TACC1: variants seen among roughly 807,000 people sequenced by gnomAD.
TACC1 encodes transforming acidic coiled-coil-containing protein 1.
In TACC1, 48 loss-of-function variants were observed where a neutral mutation model predicts 84.4. That is an observed-to-expected ratio of 0.57 (90% CI 0.45 to 0.72). The LOEUF (loss-of-function observed/expected upper bound fraction) is 0.72, where lower values mean the gene tolerates loss of function less well. Among genes scored for constraint, TACC1 ranks in the 30% least tolerant of loss-of-function variants. The pLI is 0.00. For synonymous variants in TACC1, 372 were observed against 376.3 expected, an observed-to-expected ratio of 0.99 and a Z score of 0.13; for missense variants, 920 against 973.0, an observed-to-expected ratio of 0.95 and a Z score of 0.72.
chr8:38,767,045 G>A (rs768679202), intron 3 of TACC1, among the ~76,000 whole-genome samples: 2 of 144,116 alleles, frequency 1.4e-5, no homozygotes, highest in Non-Finnish European at 3.1e-5. Context: ...CATTTACACA[G>A]AGCCGACAGA....
At chr8:38,742,467 G>T in intron 2 of TACC1, 1 of 1,521,498 alleles carries the variant, frequency 6.6e-7, no homozygotes, top group South Asian at 1.2e-5. Context: ...TCTTTTCTTT[G>T]ACATTGAATA....
At chr8:38,822,087 T>C (rs1826960028) in intron 3 of TACC1, among the ~76,000 whole-genome samples, 1 of 151,724 alleles carries the variant, frequency 6.6e-6, no homozygotes, top group Admixed American at 6.6e-5. Flanking sequence ...TTAAAAAAAT[T>C]TTTTTTAATT....
chr8:38,845,837 T>A (rs1832127544), intron 11 of TACC1, among the ~76,000 whole-genome samples: 1 of 152,238 alleles, frequency 6.6e-6, no homozygotes, highest in Admixed American at 6.5e-5. Flanking sequence ...GCCTGTCTCC[T>A]TGTATCTCGG....
At chr8:38,747,814 A>T (rs1453688206) in intron 3 of TACC1, among the ~76,000 whole-genome samples, 2 of 152,250 alleles carry the variant, frequency 1.3e-5, no homozygotes, top group African/African-American at 2.4e-5. Context: ...AACTCATAGA[A>T]TGTATAATAC....
At chr8:38,775,999 T>C (rs1814730533) in intron 3 of TACC1, among the ~76,000 whole-genome samples, 1 of 152,224 alleles carries the variant, frequency 6.6e-6, no homozygotes, top group Non-Finnish European at 1.5e-5. Flanking sequence ...CCAGTTAGTG[T>C]TGAAGCCAAA....
rs75694983 is a variant in TACC1, at chr8:38,810,729, A to T, written c.278-8793A>T. 2.9e-3 allele frequency among the ~76,000 whole-genome samples: 436 copies of T among 152,346 alleles called. 17 individuals carry two copies. In the East Asian group the frequency reaches 0.072, roughly 25 times the overall value. Reference sequence around the variant, plus strand: ...ATTCAGTGTGAATTACGATGATCACATCTATATCCATGGCTCTGGTGATGT... The same window carrying T: ...ATTCAGTGTGAATTACGATGATCACTTCTATATCCATGGCTCTGGTGATGT... On this transcript the variant is annotated intron_variant, in intron 2 of 12. Transcript: ENST00000317827.
intron 1 of TACC1, among the ~76,000 whole-genome samples, chr8:38,740,678 C>T (rs182106496): frequency 6.6e-6 from 1 of 152,336 alleles, no homozygotes; most frequent in African/African-American, 2.4e-5. Context: ...AAACAGCACT[C>T]CCTACTGATC....
At chr8:38,789,877 A>G (rs554210996) in intron 2 of TACC1, among the ~76,000 whole-genome samples, 2 of 152,224 alleles carry the variant, frequency 1.3e-5, no homozygotes, top group Non-Finnish European at 2.9e-5. Context: ...GAGGAGCTGA[A>G]GTCAGCGTGG....
At chr8:38,741,830 A>G (rs1188413306) in intron 1 of TACC1, among the ~76,000 whole-genome samples, 2 of 152,200 alleles carry the variant, frequency 1.3e-5, no homozygotes, top group Non-Finnish European at 2.9e-5. Flanking sequence ...TGTTTGAATT[A>G]TAGGTAGACT....
intron 3 of TACC1, among the ~76,000 whole-genome samples, chr8:38,750,295 T>G (rs7817665): frequency 0.047 from 7,146 of 152,258 alleles, 573 homozygotes; most frequent in African/African-American, 0.16. Flanking sequence ...TTCAGCAAAT[T>G]AAGAATAAAT....
chr8:38,756,568 T>A (rs533246679), intron 3 of TACC1, among the ~76,000 whole-genome samples: 29 of 152,232 alleles, frequency 1.9e-4, no homozygotes, highest in Admixed American at 1.6e-3. Context: ...TGTTTGTTTG[T>A]TTTTTCCTTG....
At position 38,769,088 on chromosome 8, in the gene TACC1, GGT is replaced by G. The variant is rs369153863; in HGVS notation, c.27-19602_27-19601del. Among the ~76,000 whole-genome samples the G allele has an allele frequency of 2.7e-3, 397 of 146,314 alleles. 2 individuals are homozygous for G. The highest frequency in any genetic ancestry group is 3.6e-3 in the Non-Finnish European group (236 of 66,070). ...TGTGGGGAGGTTTGTGTGACTGTGT[GGT>G]GTGTGTGTGTGTGAGAGACTGTATG... is the stretch of plus-strand genomic sequence containing the variant. On this transcript the variant is annotated intron_variant, in intron 3 of 14. Transcript: ENST00000518415.
intron 3 of TACC1, among the ~76,000 whole-genome samples, chr8:38,769,410 A>G (rs62643674): frequency 0.25 from 29,795 of 120,564 alleles, 3,468 homozygotes; most frequent in Middle Eastern, 0.41. Context: ...GTGTGTATGT[A>G]TATGAGACTG....
At chr8:38,800,022 A>C (rs999249830) in intron 2 of TACC1, 3 of 152,268 alleles carry the variant, frequency 2.0e-5, no homozygotes, top group Middle Eastern at 3.2e-3. Context: ...TTAGCAGGGC[A>C]TGATGGCTTG....
chr8:38,794,963 A>G (rs960185021), intron 2 of TACC1, among the ~76,000 whole-genome samples: 1 of 152,194 alleles, frequency 6.6e-6, no homozygotes, highest in African/African-American at 2.4e-5. Context: ...TTTGTACTGT[A>G]TAATTCCATG....
At chr8:38,749,146 C>G (rs968524617) in intron 3 of TACC1, among the ~76,000 whole-genome samples, 7 of 152,090 alleles carry the variant, frequency 4.6e-5, no homozygotes, top group Non-Finnish European at 7.4e-5. Flanking sequence ...TTGTTATGAA[C>G]AACTTTATGA....
intron 3 of TACC1, among the ~76,000 whole-genome samples, chr8:38,770,400 C>G (rs909647447): frequency 5.3e-5 from 8 of 152,122 alleles, no homozygotes; most frequent in African/African-American, 1.9e-4. Context: ...GGTTTTCCCT[C>G]CCCTGCCCCC....
chr8:38,752,117 G>A (rs1250389560), intron 3 of TACC1, among the ~76,000 whole-genome samples: 1 of 152,142 alleles, frequency 6.6e-6, no homozygotes, highest in Admixed American at 6.5e-5. Context: ...CAATCTTATA[G>A]GCAATCTTGA....
At chr8:38,787,222 C>T, upstream of TACC1, 26 of 998,324 alleles carry the variant, frequency 2.6e-5, no homozygotes, top group South Asian at 4.7e-5. Flanking sequence ...CGCGCCCCGC[C>T]GGCCGGGAGG....
Sources: allele counts gnomAD v4.1 joint callset (sites outside exome capture counted in the v4.1 genomes callset), GRCh38; gene constraint gnomAD v4.1.1; transcripts MANE v1.5; gene names NCBI Gene and HGNC (gene_info 2026-07-23, HGNC 2026-07-21).